Variants in NBEA observed in about 807,000 individuals in gnomAD.
NBEA encodes the protein lysosomal-trafficking regulator 2.
NBEA carries 44 observed loss-of-function variants against 343.4 expected under a neutral mutation model. The observed-to-expected ratio is 0.13, with a 90% confidence interval of 0.10 to 0.16. The LOEUF (loss-of-function observed/expected upper bound fraction) is 0.16, where lower values mean the gene tolerates loss of function less well. Ranked by LOEUF, NBEA falls within the 10% of genes least tolerant of loss-of-function variation. The pLI is 1.00. For missense variants in NBEA, 2,555 were observed against 3,631.3 expected (o/e 0.70, Z 7.62); for synonymous variants, 1,175 against 1,238.7 (o/e 0.95, Z 1.08).
At chr13:34,958,083 G>A (rs748645466) in intron 1 of NBEA, among the ~76,000 whole-genome samples, 8 of 151,910 alleles carry the variant, frequency 5.3e-5, no homozygotes, top group Non-Finnish European at 1.2e-4. Context: ...ACATGTTGTA[G>A]ATATATTGCC....
At chr13:35,024,577 G>A (rs1477748339) in intron 1 of NBEA, among the ~76,000 whole-genome samples, 1 of 152,140 alleles carries the variant, frequency 6.6e-6, no homozygotes, top group Non-Finnish European at 1.5e-5. Context: ...TTACTTGGGA[G>A]GCTGGGGCTG....
At chr13:35,290,954 C>G (rs2035766711) in intron 35 of NBEA, among the ~76,000 whole-genome samples, 1 of 151,564 alleles carries the variant, frequency 6.6e-6, no homozygotes, top group African/African-American at 2.4e-5. Context: ...TTCTAAAAAT[C>G]TACTTGAGCT....
intron 1 of NBEA, among the ~76,000 whole-genome samples, chr13:35,022,912 C>T (rs1319542992): frequency 6.6e-6 from 1 of 152,026 alleles, no homozygotes. Flanking sequence ...ACATTTTTAT[C>T]TCTGTATAAT....
rs1007228049 is a variant in NBEA at position 35,126,124 on chromosome 13, G to C, written c.2336+2550G>C. Among the ~76,000 whole-genome samples, 9 of 152,304 alleles carry C rather than the reference G, an allele frequency of 5.9e-5. 1 individual carries two copies. Among genetic ancestry groups the C allele is most frequent in the African/African-American group, 2.2e-4 (9 of 41,566 alleles). On this transcript the variant is annotated intron_variant, in intron 17 of 58. Coordinates refer to ENST00000379939, the MANE Select transcript of NBEA (RefSeq NM_001385012.1). ...AGGTAGACATAATTGGATCATGGGG[G>C]CAGTTCCCCCCTGCTGTTCTTGTAA...
rs2073568447 is a variant in NBEA at position 35,208,742 on chromosome 13, A to G, written c.5409A>G (p.Leu1803=). The G allele has an allele frequency of 1.2e-6, 2 of 1,610,534 alleles. No individual in the cohort carries two copies. Among genetic ancestry groups the G allele is most frequent in the Non-Finnish European group, 1.7e-6 (2 of 1,177,922 alleles). The part of the protein sequence containing the change: ...VPVKKPPPGS[L]AVTTVGATTA... ...TAAAGAAACCACCTCCAGGTAGTTT[A>G]GCTGTAACCACTGTGGGAGCCACTA... Residue 1803 remains leucine, a synonymous_variant, in exon 32 of 59, where the codon TTA becomes TTG. Coordinates refer to ENST00000379939, the MANE Select transcript of NBEA (RefSeq NM_001385012.1).
intron 30 of NBEA, among the ~76,000 whole-genome samples, chr13:35,191,875 C>G (rs1458870992): frequency 3.3e-5 from 5 of 151,878 alleles, no homozygotes; most frequent in Non-Finnish European, 7.4e-5. Flanking sequence ...CATGGTAAAA[C>G]AGGATTTTTG....
intron 45 of NBEA, among the ~76,000 whole-genome samples, chr13:35,569,113 A>C (rs2080276188): frequency 6.6e-6 from 1 of 152,210 alleles, no homozygotes; most frequent in Non-Finnish European, 1.5e-5. Context: ...TGAATCATTG[A>C]TATAGGCCAT....
At chr13:35,327,048 C>A (rs967793378) in intron 36 of NBEA, among the ~76,000 whole-genome samples, 2 of 151,940 alleles carry the variant, frequency 1.3e-5, no homozygotes, top group Non-Finnish European at 2.9e-5. Flanking sequence ...CACTAATCAT[C>A]AGAAAAATGC....
intron 36 of NBEA, among the ~76,000 whole-genome samples, chr13:35,337,436 T>C (rs1320783153): frequency 6.6e-6 from 1 of 152,124 alleles, no homozygotes; most frequent in African/African-American, 2.4e-5. Context: ...ATTATGTAAA[T>C]CCATCCATAA....
chr13:35,156,100 G>A lies in NBEA; in HGVS notation c.2545G>A (p.Ala849Thr). ...GTTTACAGTGATTCTTAAAGTGGTG[G>A]CAACTTTGTTAAAAAACTCTACACC... ...IQNPMILKVV[A>T]TLLKNSTPSA... Residue 849 changes from alanine (A) to threonine (T), a missense_variant, in exon 20 of 59, where the codon GCA becomes ACA. By Grantham distance (58) the Ala-to-Thr change is moderately conservative (BLOSUM62 0). Coordinates refer to ENST00000379939, the MANE Select transcript of NBEA (RefSeq NM_001385012.1). 1.3e-6 allele frequency: 2 copies of A among 1,582,262 alleles called. No individual in the cohort carries two copies. Among genetic ancestry groups the A allele is most frequent in the Non-Finnish European group, 1.7e-6 (2 of 1,169,180 alleles).
At chr13:35,253,330 C>T (rs966551657) in intron 34 of NBEA, among the ~76,000 whole-genome samples, 2 of 152,146 alleles carry the variant, frequency 1.3e-5, no homozygotes, top group African/African-American at 2.4e-5. Flanking sequence ...GTGCTCACTT[C>T]GTGTCTCTTT....
intron 38 of NBEA, among the ~76,000 whole-genome samples, chr13:35,381,033 A>T (rs997411738): frequency 1.3e-5 from 2 of 152,210 alleles, no homozygotes; most frequent in East Asian, 3.9e-4. Flanking sequence ...CATAATTGCC[A>T]TATGATTTTT....
chr13:35,147,532 A>G (rs1013165394), intron 18 of NBEA, among the ~76,000 whole-genome samples: 6 of 152,012 alleles, frequency 3.9e-5, no homozygotes, highest in Non-Finnish European at 8.8e-5. Context: ...GGAAGGTTAT[A>G]TAGGATGTTA....
At chr13:35,364,246 CATATACACAA>C (rs1381669040) in intron 38 of NBEA, among the ~76,000 whole-genome samples, 1 of 151,794 alleles carries the variant, frequency 6.6e-6, no homozygotes, top group Non-Finnish European at 1.5e-5. Flanking sequence ...CTATACAACC[CATATACACAA>C]ATAGTCTATC....
chr13:35,412,704 T>A (rs892523949), intron 38 of NBEA, among the ~76,000 whole-genome samples: 5 of 152,116 alleles, frequency 3.3e-5, no homozygotes, highest in African/African-American at 9.7e-5. Flanking sequence ...TATTTAGTAC[T>A]GGTTTTAGAG....
rs377316956 is a variant in NBEA at position 35,053,059 on chromosome 13, G to A, written c.972+2664G>A. Reference sequence around the variant, plus strand: ...TTATGAGTGCCTTTGTCTTAGTTCCGCAGCTTATGGTGTCTTACCTAAATC... The same window carrying A: ...TTATGAGTGCCTTTGTCTTAGTTCCACAGCTTATGGTGTCTTACCTAAATC... On this transcript the variant is annotated intron_variant, in intron 6 of 58. Coordinates refer to ENST00000379939, the MANE Select transcript of NBEA (RefSeq NM_001385012.1). Among the ~76,000 whole-genome samples, 39 of 151,964 alleles carry A rather than the reference G, an allele frequency of 2.6e-4. No individual in the cohort carries two copies. The East Asian group carries it at 7.0e-3, about 27-fold the overall frequency.
chr13:35,544,375 T>C (rs993285878), intron 41 of NBEA, among the ~76,000 whole-genome samples: 1 of 152,228 alleles, frequency 6.6e-6, no homozygotes, highest in Non-Finnish European at 1.5e-5. Context: ...AACAAGTATT[T>C]TTTTAAGTTG....
chr13:35,436,707 CAAAAA>C, intron 39 of NBEA, among the ~76,000 whole-genome samples: 1 of 80,388 alleles, frequency 1.2e-5, no homozygotes, highest in South Asian at 4.8e-4. Context: ...GACTCCGTCT[CAAAAA>C]AAAAAAAAAA....
rs113760369 is a variant in NBEA at position 35,125,331 on chromosome 13, G to A, written c.2336+1757G>A. ...AGAATGGTGAGAGAGTTCACTTATA[G>A]CAAATAGGAAGTGTCAGTGAAAGTA... is the stretch of plus-strand genomic sequence containing the variant. On this transcript the variant is annotated intron_variant, in intron 17 of 58. Coordinates refer to ENST00000379939, the MANE Select transcript of NBEA (RefSeq NM_001385012.1). Among the ~76,000 whole-genome samples the A allele has an allele frequency of 4.0e-4, 61 of 152,312 alleles. 1 individual carries two copies. The highest frequency in any genetic ancestry group is 1.3e-3 in the African/African-American group (56 of 41,576).
Sources: gnomAD v4.1 joint callset for allele counts (sites outside exome capture counted in the v4.1 genomes callset) on GRCh38, gnomAD v4.1.1 for gene constraint, MANE v1.5 for transcripts, NCBI Gene and HGNC (gene_info 2026-07-23, HGNC 2026-07-21) for gene names.